Variants in TM2D1 observed in about 807,000 individuals in gnomAD.
TM2D1 encodes the protein TM2 domain-containing protein 1.
In TM2D1, 15 loss-of-function variants were observed where a neutral mutation model predicts 28.4. The ratio of observed to expected loss-of-function variants is 0.53; its 90% CI spans 0.35 to 0.81. The LOEUF is 0.81. Among genes scored for constraint, TM2D1 ranks in the 40% least tolerant of loss-of-function variants. The pLI, the probability that TM2D1 is intolerant of heterozygous loss-of-function variation, is 0.01. For synonymous variants in TM2D1, 93 were observed against 96.2 expected (o/e 0.97, Z 0.20); for missense variants, 236 against 254.9 (o/e 0.93, Z 0.50).
In TM2D1 at chr1:61,692,981, G is replaced by A. The variant is rs369161441; in HGVS notation, c.513+1716C>T. Reference sequence around the variant, plus strand: ...CTAGAGGCCAGGTGCAGTTGCTCACGCCTGTAATAATAGCCCTTTGGAAGG... The same window carrying A: ...CTAGAGGCCAGGTGCAGTTGCTCACACCTGTAATAATAGCCCTTTGGAAGG... On this transcript the variant is annotated intron_variant, in intron 5 of 6. Transcript: ENST00000606498. 3.4e-4 allele frequency among the ~76,000 whole-genome samples: 52 copies of A among 152,216 alleles called. 1 individual carries two copies. Among genetic ancestry groups the A allele is most frequent in the Admixed American group, 1.2e-3 (19 of 15,274 alleles).
chr1:61,720,438 C>T (rs1056535299), intron 2 of TM2D1, among the ~76,000 whole-genome samples: 4 of 151,936 alleles, frequency 2.6e-5, no homozygotes, highest in South Asian at 4.2e-4. Context: ...GACAGGGTTT[C>T]GCCATGTTTG....
At chr1:61,682,237 G>C (rs1283971989) in intron 6 of TM2D1, among the ~76,000 whole-genome samples, 1 of 152,158 alleles carries the variant, frequency 6.6e-6, no homozygotes, top group African/African-American at 2.4e-5. Flanking sequence ...AGAGTTGACT[G>C]AAAACCCTAG....
chr1:61,725,093 A>T lies in TM2D1; in HGVS notation c.28T>A (p.Ser10Thr). 1 of 1,613,708 alleles carries T rather than the reference A, an allele frequency of 6.2e-7. No homozygotes were observed. The highest frequency in any genetic ancestry group is 8.5e-7 in the Non-Finnish European group (1 of 1,179,886). The change falls in exon 1 of 7, where the codon TCT becomes ACT. Residue 10 changes from serine (S) to threonine (T), a missense_variant. Coordinates refer to ENST00000606498, the MANE Select transcript of TM2D1 (RefSeq NM_032027.3). ...CTGGCCGTCACGGCCTCCGGAGCAG[A>T]CGGACCAGACGGCCAGGCGGCCGCC... The part of the protein sequence containing the change: MAAAWPSGP[S>T]APEAVTARLV...
chr1:61,704,481 G>A (rs532339811), intron 3 of TM2D1, among the ~76,000 whole-genome samples: 1 of 151,982 alleles, frequency 6.6e-6, no homozygotes, highest in Admixed American at 6.6e-5. Context: ...ACCCAGGCTG[G>A]AGCGCAATGG....
At chr1:61,693,973 T>A (rs1273085115) in intron 5 of TM2D1, among the ~76,000 whole-genome samples, 1 of 152,326 alleles carries the variant, frequency 6.6e-6, no homozygotes, top group South Asian at 2.1e-4. Flanking sequence ...TTTTAAATGT[T>A]TAAGGACAGC....
At chr1:61,683,627 T>G in intron 5 of TM2D1, 81 bp from the exon 6 acceptor site, 2 of 733,258 alleles carry the variant, frequency 2.7e-6, no homozygotes, top group Non-Finnish European at 4.3e-6. Context: ...CAGTTGTTAA[T>G]AAAAGTATTT....
At chr1:61,685,679 GACTT>G (rs1416825669) in intron 5 of TM2D1, among the ~76,000 whole-genome samples, 3 of 152,180 alleles carry the variant, frequency 2.0e-5, no homozygotes, top group Non-Finnish European at 2.9e-5. Flanking sequence ...TATGCACATT[GACTT>G]ACTTGTCAAA....
intron 5 of TM2D1, among the ~76,000 whole-genome samples, chr1:61,689,033 T>C (rs1370278025): frequency 6.6e-6 from 1 of 152,224 alleles, no homozygotes; most frequent in Non-Finnish European, 1.5e-5. Context: ...CAAGACTCCA[T>C]CTCAGAAATA....
At chr1:61,685,993 A>G (rs1287782191) in intron 5 of TM2D1, among the ~76,000 whole-genome samples, 1 of 152,186 alleles carries the variant, frequency 6.6e-6, no homozygotes, top group Non-Finnish European at 1.5e-5. Flanking sequence ...AGCCTGGGTG[A>G]CAAAATGCAA....
intron 5 of TM2D1, among the ~76,000 whole-genome samples, chr1:61,690,535 C>T (rs1290610784): frequency 6.6e-6 from 1 of 150,554 alleles, no homozygotes; most frequent in African/African-American, 2.4e-5. Context: ...GTTATAGCCC[C>T]AAATGGACTA....
In TM2D1 at chr1:61,718,221, T is replaced by C. The variant is rs1176747955; in HGVS notation, c.238+5492A>G. Among the ~76,000 whole-genome samples, 4 of 149,170 alleles carry C rather than the reference T, an allele frequency of 2.7e-5. No individual in the cohort carries two copies. The South Asian group carries it at 6.4e-4, about 24-fold the overall frequency. On this transcript the variant is annotated intron_variant, in intron 2 of 6. Coordinates refer to ENST00000606498, the MANE Select transcript of TM2D1 (RefSeq NM_032027.3). ...GGGAGGATCACTTGAGCCTGGGAGGTGGAGGTTAGAGTGAGCAGAGATCCT... is the reference window on the plus strand; with the variant it reads ...GGGAGGATCACTTGAGCCTGGGAGGCGGAGGTTAGAGTGAGCAGAGATCCT...
intron 4 of TM2D1, among the ~76,000 whole-genome samples, chr1:61,695,303 C>T (rs1268783568): frequency 3.3e-5 from 5 of 152,096 alleles, no homozygotes; most frequent in African/African-American, 1.2e-4. Context: ...CTAAGGATCA[C>T]CTGTTTATTA....
chr1:61,687,694 G>A (rs1331876555), intron 5 of TM2D1, among the ~76,000 whole-genome samples: 6 of 140,532 alleles, frequency 4.3e-5, no homozygotes, highest in African/African-American at 1.5e-4. Flanking sequence ...TGTAATGAAT[G>A]AAGAAGTGAA....
At chr1:61,682,379 A>G (rs12125602) in intron 6 of TM2D1, among the ~76,000 whole-genome samples, 50,969 of 152,052 alleles carry the variant, frequency 0.34, 10,322 homozygotes, top group East Asian at 0.48. Flanking sequence ...CCTACATGAT[A>G]TATAGGATTT....
At chr1:61,702,821 T>C (rs1314544403) in intron 3 of TM2D1, among the ~76,000 whole-genome samples, 1 of 151,538 alleles carries the variant, frequency 6.6e-6, no homozygotes, top group Admixed American at 6.6e-5. Context: ...TAAGAAACAA[T>C]GGGGCCAGCT....
chr1:61,710,992 A>G (rs975227774), intron 2 of TM2D1, among the ~76,000 whole-genome samples: 1 of 152,214 alleles, frequency 6.6e-6, no homozygotes, highest in Non-Finnish European at 1.5e-5. Flanking sequence ...GGTGGTGTTT[A>G]TAATAAAACG....
Position 61,709,332 on chromosome 1 carries a change from T to C in TM2D1, c.344A>G (p.Asn115Ser). 1 of 1,604,656 alleles carries C rather than the reference T, an allele frequency of 6.2e-7. No homozygotes were observed. Among genetic ancestry groups the C allele is most frequent in the East Asian group, 2.2e-5 (1 of 44,754 alleles). Reference protein sequence around the residue: ...VGFFKPISCRNVNGYSYKVAV... With the variant: ...VGFFKPISCRSVNGYSYKVAV... ...TAAGTTTCAGTAATGTACTTACACATTTCGGCAAGATATGGGCTTGAAAAA... is the reference window on the plus strand; with the variant it reads ...TAAGTTTCAGTAATGTACTTACACACTTCGGCAAGATATGGGCTTGAAAAA... Residue 115 changes from asparagine (N) to serine (S), a missense_variant, in exon 3 of 7, where the codon AAT becomes AGT. By Grantham distance (46) the Asn-to-Ser change is conservative. This residue lies in a region of TM2D1 where 167 missense variants were observed against 162.7 expected (regional missense o/e 1.03). Transcript: ENST00000606498.
chr1:61,725,094 C>G lies in TM2D1; in HGVS notation c.27G>C (p.Pro9=). The change falls in exon 1 of 7, where the codon CCG becomes CCC. Residue 9 remains proline (P), a synonymous_variant. Coordinates refer to ENST00000606498, the MANE Select transcript of TM2D1 (RefSeq NM_032027.3). MAAAWPSG[P]SAPEAVTARL... ...TGGCCGTCACGGCCTCCGGAGCAGA[C>G]GGACCAGACGGCCAGGCGGCCGCCA... 1.2e-6 allele frequency: 2 copies of G among 1,613,728 alleles called. No homozygotes were observed. The highest frequency in any genetic ancestry group is 1.1e-5 in the South Asian group (1 of 91,084).
rs137903345 is a variant in TM2D1 at position 61,700,383 on chromosome 1, T to C, written c.439+551A>G. ...AACAAAAGCTATCATAAAATGTAAATAGTTTTCATAAGCATTAGTAACTAT... is the reference window on the plus strand; with the variant it reads ...AACAAAAGCTATCATAAAATGTAAACAGTTTTCATAAGCATTAGTAACTAT... On this transcript the variant is annotated intron_variant, in intron 4 of 6. Transcript: ENST00000606498. 179 of 1,260,364 alleles carry C rather than the reference T, an allele frequency of 1.4e-4. No homozygotes were observed. In the East Asian group the frequency reaches 4.3e-3, roughly 30 times the overall value. The allele number at this position is 1,260,364 out of a possible 1,614,324, so 78.1% of individuals were successfully genotyped here.
Sources: allele counts gnomAD v4.1 joint callset (sites outside exome capture counted in the v4.1 genomes callset), GRCh38; gene constraint gnomAD v4.1.1; regional missense constraint gnomAD v4.1.1; transcripts MANE v1.5; gene names NCBI Gene and HGNC (gene_info 2026-07-23, HGNC 2026-07-21).